Variants in TTC29 observed in about 807,000 individuals in gnomAD.
The protein encoded by TTC29 is tetratricopeptide repeat domain 29, also known as tetratricopeptide repeat protein 29.
In TTC29, 49 loss-of-function variants were observed where a neutral mutation model predicts 58.1. The observed-to-expected ratio is 0.84, with a 90% CI of 0.67 to 1.07. The LOEUF is 1.07. Among genes scored for constraint, TTC29 ranks in the 50% least tolerant of loss-of-function variants. TTC29 has a pLI of 0.00. For synonymous variants in TTC29, 209 were observed against 196.8 expected, an observed-to-expected ratio of 1.06 and a Z score of -0.52; for missense variants, 582 against 555.6, an observed-to-expected ratio of 1.05 and a Z score of -0.48.
intron 8 of TTC29, among the ~76,000 whole-genome samples, chr4:146,843,117 A>G (rs1216946234): frequency 6.6e-6 from 1 of 152,160 alleles, no homozygotes; most frequent in Non-Finnish European, 1.5e-5. Flanking sequence ...GCATTCAGGG[A>G]TGTTTTAGAG....
At chr4:146,771,988 T>C (rs1025599318) in intron 11 of TTC29, among the ~76,000 whole-genome samples, 4 of 152,216 alleles carry the variant, frequency 2.6e-5, no homozygotes, top group Non-Finnish European at 5.9e-5. Context: ...TTAATTTACA[T>C]TTCTCTAATG....
chr4:146,877,701 C>A lies in TTC29; in HGVS notation c.587-2773G>T, dbSNP rs78418250. On this transcript the variant is annotated intron_variant, in intron 6 of 12. Transcript: ENST00000325106. Reference sequence around the variant, plus strand: ...TTTTCTTTTTTCATCTAGCGTCCATCTATTCATAAAGTACAGACACATATT... The same window carrying A: ...TTTTCTTTTTTCATCTAGCGTCCATATATTCATAAAGTACAGACACATATT... Among the ~76,000 whole-genome samples, 636 of 152,256 alleles carry A rather than the reference C, an allele frequency of 4.2e-3. 3 individuals carry two copies. Among genetic ancestry groups the A allele is most frequent in the African/African-American group, 0.015 (603 of 41,566 alleles).
intron 6 of TTC29, among the ~76,000 whole-genome samples, chr4:146,882,954 G>C (rs6826457): frequency 0.24 from 34,780 of 147,562 alleles, 4,210 homozygotes; most frequent in Admixed American, 0.31. Context: ...CTCTCTCTCT[G>C]TGTGTGTGCA....
chr4:146,815,268 T>C (rs982983920), intron 10 of TTC29, among the ~76,000 whole-genome samples: 4 of 150,282 alleles, frequency 2.7e-5, no homozygotes, highest in African/African-American at 1.0e-4. Context: ...GGGAAAAGGG[T>C]GGATTCGAGA....
At chr4:146,875,497 C>CT (rs1474498385) in intron 6 of TTC29, among the ~76,000 whole-genome samples, 1 of 150,468 alleles carries the variant, frequency 6.6e-6, no homozygotes, top group Non-Finnish European at 1.5e-5. Flanking sequence ...TTTCATCATT[C>CT]TTTTTTTCTT....
chr4:146,912,093 T>C (rs951535454), intron 4 of TTC29, among the ~76,000 whole-genome samples: 13 of 150,686 alleles, frequency 8.6e-5, no homozygotes, highest in Admixed American at 5.3e-4. Context: ...ACACTAACAA[T>C]AGCTGATAAG....
chr4:146,713,050 G>A (rs1579502469), intron 11 of TTC29, among the ~76,000 whole-genome samples: 1 of 151,682 alleles, frequency 6.6e-6, no homozygotes, highest in East Asian at 1.9e-4. Flanking sequence ...AAGTCAGCCT[G>A]TGTGATGCAG....
intron 11 of TTC29, among the ~76,000 whole-genome samples, chr4:146,728,858 C>CAT (rs1344862897): frequency 2.4e-5 from 1 of 41,230 alleles, no homozygotes; most frequent in Non-Finnish European, 6.0e-5. Context: ...TATATATATA[C>CAT]ACATATATAT....
chr4:146,899,689 A>C (rs576321833), intron 6 of TTC29, among the ~76,000 whole-genome samples: 1 of 152,208 alleles, frequency 6.6e-6, no homozygotes, highest in South Asian at 2.1e-4. Flanking sequence ...CATTTACACC[A>C]GTGGGATGAA....
At chr4:146,767,507 A>G (rs771943167) in intron 11 of TTC29, among the ~76,000 whole-genome samples, 5 of 152,044 alleles carry the variant, frequency 3.3e-5, no homozygotes, top group Admixed American at 2.0e-4. Context: ...GCCTTAATTT[A>G]GTGGAAGCGC....
At chr4:146,856,620 A>G (rs1056897682) in intron 8 of TTC29, among the ~76,000 whole-genome samples, 2 of 151,404 alleles carry the variant, frequency 1.3e-5, no homozygotes, top group Admixed American at 1.3e-4. Context: ...AATTTATATG[A>G]CAAATACTAT....
chr4:146,918,796 A>G (rs1359422889), intron 4 of TTC29, among the ~76,000 whole-genome samples: 1 of 151,186 alleles, frequency 6.6e-6, no homozygotes, highest in Admixed American at 6.6e-5. Context: ...TATTCATCAG[A>G]CAATAGAAAG....
chr4:146,919,124 C>T (rs1051722830), intron 4 of TTC29, among the ~76,000 whole-genome samples: 1 of 150,922 alleles, frequency 6.6e-6, no homozygotes, highest in East Asian at 1.9e-4. Flanking sequence ...AAATTTTAAG[C>T]CAAAGATTCC....
At chr4:146,775,762 GGGGTTCTCT>G (rs1748046154) in intron 11 of TTC29, among the ~76,000 whole-genome samples, 1 of 152,068 alleles carries the variant, frequency 6.6e-6, no homozygotes, top group African/African-American at 2.4e-5. Flanking sequence ...ATATCTTGCA[GGGGTTCTCT>G]GCATTTCCTG....
intron 11 of TTC29, among the ~76,000 whole-genome samples, chr4:146,767,187 C>A (rs552309033): frequency 6.6e-6 from 1 of 152,082 alleles, no homozygotes; most frequent in African/African-American, 2.4e-5. Flanking sequence ...TGTAGTTAAT[C>A]ATATCTGATA....
In TTC29 at chr4:146,909,019, C is replaced by T. The variant is rs1553938351; in HGVS notation, c.400+7G>A. 2.5e-6 allele frequency: 4 copies of T among 1,612,776 alleles called. No homozygotes were observed. Among genetic ancestry groups the T allele is most frequent in the African/African-American group, 1.3e-5 (1 of 74,902 alleles). On this transcript the variant is annotated splice_region_variant and intron_variant, in intron 5 of 12. Transcript: ENST00000325106. ...TTCTGTGCTCTGCCCACAGTCCCAC[C>T]ACTTACCTTTCCTCTCAGCGTCCTC...
At chr4:146,832,318 G>A (rs1728217691) in intron 9 of TTC29, among the ~76,000 whole-genome samples, 3 of 152,096 alleles carry the variant, frequency 2.0e-5, no homozygotes, top group Admixed American at 2.0e-4. Context: ...AACCACCTGT[G>A]TCTTCTGGGT....
chr4:146,896,148 G>T (rs1425739394), intron 6 of TTC29, among the ~76,000 whole-genome samples: 2 of 152,074 alleles, frequency 1.3e-5, no homozygotes, highest in Admixed American at 6.5e-5. Context: ...CTCTATTCTT[G>T]AACTTTTAAT....
intron 8 of TTC29, among the ~76,000 whole-genome samples, chr4:146,857,256 CTGTT>C (rs1729920350): frequency 7.2e-6 from 1 of 138,582 alleles, no homozygotes; most frequent in Non-Finnish European, 1.6e-5. Context: ...AAGGTAGGCG[CTGTT>C]TGTGTACTAG....
Sources: allele counts gnomAD v4.1 joint callset (sites outside exome capture counted in the v4.1 genomes callset), GRCh38; gene constraint gnomAD v4.1.1; transcripts MANE v1.5; gene names NCBI Gene and HGNC (gene_info 2026-07-23, HGNC 2026-07-21).